Variants in UNC45A observed in about 807,000 individuals in gnomAD.
UNC45A encodes the protein protein unc-45 homolog A.
A neutral mutation model predicts 103.2 loss-of-function variants in UNC45A; 78 were observed. That is an observed-to-expected ratio of 0.76 (90% CI 0.63 to 0.91). The LOEUF (loss-of-function observed/expected upper bound fraction) is 0.91, where lower values mean the gene tolerates loss of function less well. Ranked by LOEUF, UNC45A falls within the 40% of genes least tolerant of loss-of-function variation. The pLI, the probability that UNC45A is intolerant of heterozygous loss-of-function variation, is 0.00. For synonymous variants in UNC45A, 495 were observed against 504.6 expected (o/e 0.98, Z 0.25); for missense variants, 1,193 against 1,224.8 (o/e 0.97, Z 0.39).
upstream of UNC45A, chr15:90,932,969 A>C: frequency 6.3e-6 from 1 of 158,276 alleles, no homozygotes; most frequent in East Asian, 2.1e-4. Flanking sequence ...CCCAAGAACC[A>C]TCTTCAACCT....
intron 2 of UNC45A, 94 bp from the exon 3 acceptor site, chr15:90,935,852 G>T: frequency 1.3e-6 from 2 of 1,591,150 alleles, no homozygotes; most frequent in South Asian, 1.1e-5. Flanking sequence ...GTGGGGGATC[G>T]GGTGACCTTG....
chr15:90,935,944 A>G lies in UNC45A; in HGVS notation c.214-2A>G, dbSNP rs752932449. 19 of 1,613,954 alleles carry G rather than the reference A, an allele frequency of 1.2e-5. No individual in the cohort carries two copies. Among genetic ancestry groups the G allele is most frequent in the Non-Finnish European group, 1.5e-5 (18 of 1,180,014 alleles). On this transcript the variant is annotated splice_acceptor_variant, in intron 2 of 19. Coordinates refer to ENST00000418476, the MANE Select transcript of UNC45A (RefSeq NM_018671.5). LOFTEE classifies it high-confidence loss of function. Reference sequence around the variant, plus strand: ...CTTCAGGCTCCTGTCTTTCTCTTACAGGAAGATTACGACAAAGCAGAAACA... The same window carrying G: ...CTTCAGGCTCCTGTCTTTCTCTTACGGGAAGATTACGACAAAGCAGAAACA...
At chr15:90,935,434 T>A in intron 1 of UNC45A, 59 bp downstream of exon 1, 1 of 1,577,722 alleles carries the variant, frequency 6.3e-7, no homozygotes, top group South Asian at 1.1e-5. Context: ...ATCCCTGGCC[T>A]CCTTCTCCCC....
upstream of UNC45A, chr15:90,933,455 AG>A (rs1567145135): frequency 1.3e-5 from 2 of 152,320 alleles, no homozygotes; most frequent in East Asian, 3.9e-4. Flanking sequence ...TCTCTGTGAG[AG>A]GGGGTTCCCT....
chr15:90,952,974 CAT>C lies in UNC45A; in HGVS notation c.2350_2351del (p.Met784ValfsTer2). 1 of 1,613,516 alleles carries C rather than the reference CAT, an allele frequency of 6.2e-7. No individual in the cohort carries two copies. Among genetic ancestry groups the C allele is most frequent in the East Asian group, 2.2e-5 (1 of 44,888 alleles). On this transcript the variant is annotated frameshift_variant, in exon 18 of 20. Coordinates refer to ENST00000418476, the MANE Select transcript of UNC45A (RefSeq NM_018671.5). LOFTEE classifies it high-confidence loss of function. ...EKAVPMIEGY[M>X]FEEHEMIRRA... ...AGGCTGTGCCCATGATAGAAGGCTA[CAT>C]GTTTGAGGAGCATGAGATGATCCGC...
At chr15:90,934,533 C>A (rs2035912194), upstream of UNC45A, 1 of 399,026 alleles carries the variant, frequency 2.5e-6, no homozygotes. Context: ...CGCTCTTCCG[C>A]CCCCGCCCAT....
Position 90,940,559 on chromosome 15 carries a change from G to A in UNC45A, c.687+86G>A, listed in dbSNP as rs1179580659. On this transcript the variant is annotated intron_variant, in intron 6 of 19. Coordinates refer to ENST00000418476, the MANE Select transcript of UNC45A (RefSeq NM_018671.5). The stretch of plus-strand genomic sequence containing the variant: ...CCTCCATCCACCCATCTGTCCATCC[G>A]CCCATCTGCCCGTCCATCCATCCAT... The A allele has an allele frequency of 2.4e-5, 35 of 1,486,858 alleles. No homozygotes were observed. The South Asian group carries it at 2.5e-4, about 11-fold the overall frequency. 92.1% of individuals were successfully genotyped at this position (1,486,858 alleles called of 1,614,324 possible).
intron 11 of UNC45A, 55 bp downstream of exon 11, chr15:90,947,945 C>A: frequency 6.5e-7 from 1 of 1,547,824 alleles, no homozygotes; most frequent in East Asian, 2.3e-5. Context: ...TCTCAAGACA[C>A]AGGGGTCTGG....
upstream of UNC45A, chr15:90,930,543 A>T (rs1282192687): frequency 1.3e-5 from 2 of 151,688 alleles, no homozygotes; most frequent in Non-Finnish European, 2.9e-5. Flanking sequence ...TTTTTTTTGT[A>T]TTTTTAGTAG....
chr15:90,946,942 G>GGGC, intron 10 of UNC45A, 28 bp downstream of exon 10: 11 of 817,412 alleles, frequency 1.3e-5, no homozygotes, highest in Non-Finnish European at 2.0e-5. Context: ...GGGTGGGTGG[G>GGGC]CAGGCAGCCA....
chr15:90,950,822 T>C (rs1230824360), intron 17 of UNC45A, among the ~76,000 whole-genome samples: 1 of 152,176 alleles, frequency 6.6e-6, no homozygotes, highest in Non-Finnish European at 1.5e-5. Context: ...GCTTCCCTGA[T>C]TGCAAATGGG....
At chr15:90,944,779 G>T in intron 8 of UNC45A, 113 bp from the exon 9 acceptor site, 1 of 1,292,522 alleles carries the variant, frequency 7.7e-7, no homozygotes, top group Non-Finnish European at 1.1e-6. Context: ...ACAGTTGTCA[G>T]AACTCTGTAG....
In UNC45A at chr15:90,949,260, C is replaced by T; in HGVS notation, c.1879-56C>T. On this transcript the variant is annotated intron_variant, in intron 13 of 19. Transcript: ENST00000418476. ...CCTCAATTACTGCTGTGAGAAGGGT[C>T]CCCCTTTCTCTGTGAGTCAGCCTAG... The T allele has an allele frequency of 1.9e-6, 3 of 1,570,400 alleles. No homozygotes were observed. The South Asian group carries it at 3.4e-5, about 18-fold the overall frequency.
intron 4 of UNC45A, among the ~76,000 whole-genome samples, chr15:90,939,120 C>A (rs2036160547): frequency 6.6e-6 from 1 of 151,822 alleles, no homozygotes; most frequent in African/African-American, 2.4e-5. Flanking sequence ...GCTGGGATTA[C>A]CGGCATCTGC....
upstream of UNC45A, chr15:90,935,073 T>C (rs934185177): frequency 3.4e-6 from 2 of 579,904 alleles, no homozygotes; most frequent in African/African-American, 4.0e-5. Flanking sequence ...GGCCTCCCTC[T>C]GGGTCCTCCG....
chr15:90,942,812 T>A, intron 7 of UNC45A, 100 bp from the exon 8 acceptor site: 2 of 1,503,026 alleles, frequency 1.3e-6, no homozygotes, highest in South Asian at 2.6e-5. Context: ...GGGATGCGGA[T>A]CCCCCCTTCC....
rs772159073 is a variant in UNC45A, at chr15:90,950,605, G to A, written c.2293G>A (p.Glu765Lys). The change falls in exon 17 of 20, where the codon GAG becomes AAG. Residue 765 changes from glutamate (E) to lysine (K), a missense_variant. By Grantham distance (56) the Glu-to-Lys change is moderately conservative. Transcript: ENST00000418476. ...CCTAACAAACCTGGCTGGGATCAGC[G>A]AGAGGCTCCGGTAAGGTCCCTTGGG... is the stretch of plus-strand genomic sequence containing the variant. The part of the protein sequence containing the change: ...MALTNLAGIS[E>K]RLRQKILKEK... The A allele has an allele frequency of 1.5e-5, 25 of 1,614,000 alleles. No homozygotes were observed. The highest frequency in any genetic ancestry group is 4.0e-5 in the African/African-American group (3 of 74,930).
chr15:90,936,467 G>T lies in UNC45A; in HGVS notation c.426+7G>T. ...GGGCCAGATTCAGGAGAAGGTATGT[G>T]AGTGACCCAGAGAGGTGGAAGCATT... On this transcript the variant is annotated splice_region_variant and intron_variant, in intron 4 of 19. Transcript: ENST00000418476. 1 of 1,613,488 alleles carries T rather than the reference G, an allele frequency of 6.2e-7. No individual in the cohort carries two copies. The highest frequency in any genetic ancestry group is 8.5e-7 in the Non-Finnish European group (1 of 1,179,658).
chr15:90,953,886 A>T lies in UNC45A; in HGVS notation c.*170A>T. ...TCTGAGTCAGCGGCCACGTTCAGTCACACAGCCCTGCTTGGCCAGCACTGC... is the reference window on the plus strand; with the variant it reads ...TCTGAGTCAGCGGCCACGTTCAGTCTCACAGCCCTGCTTGGCCAGCACTGC... On this transcript the variant is annotated 3_prime_UTR_variant, in exon 20 of 20. Transcript: ENST00000418476. 1.0e-6 allele frequency: 1 copy of T among 962,162 alleles called. No homozygotes were observed. Among genetic ancestry groups the T allele is most frequent in the Non-Finnish European group, 1.5e-6 (1 of 657,594 alleles). 59.6% of individuals were successfully genotyped at this position (962,162 alleles called of 1,614,324 possible). A position where few individuals can be genotyped will look rare whatever the true frequency, so the allele number is the denominator to read the frequency against.
Sources: gnomAD v4.1 joint callset for allele counts (sites outside exome capture counted in the v4.1 genomes callset) on GRCh38, gnomAD v4.1.1 for gene constraint, MANE v1.5 for transcripts, NCBI Gene and HGNC (gene_info 2026-07-23, HGNC 2026-07-21) for gene names.